MUC3A: variants seen among roughly 807,000 people sequenced by gnomAD.
MUC3A encodes mucin-3A.
A neutral mutation model predicts 109.0 loss-of-function variants in MUC3A; 109 were observed. The ratio of observed to expected loss-of-function variants is 1.00; its 90% CI spans 0.86 to 1.17. MUC3A has a LOEUF of 1.17. MUC3A is among the 50% of genes most tolerant of loss of function. MUC3A has a pLI of 0.00. For missense variants in MUC3A, 3,537 were observed against 2,469.4 expected (o/e 1.43, Z -9.16); for synonymous variants, 1,398 against 981.4 (o/e 1.42, Z -7.93).
At chr7:100,966,325 G>C in intron 8 of MUC3A, 61 bp from the exon 9 acceptor site, 1 of 1,239,052 alleles carries the variant, frequency 8.1e-7, no homozygotes, top group Non-Finnish European at 1.0e-6. Flanking sequence ...GCGGGGCCCA[G>C]GTGCACGGGT....
rs1441035545 is a variant in MUC3A, at chr7:100,959,682, C to T, written c.7903C>T (p.His2635Tyr). The part of the protein sequence containing the change: ...STSQVPIPST[H>Y]SSTLQTTPST... ...ATCACAGGTTCCTATTCCTAGCACACATTCCTCCACCCTTCAAACAACTCC... is the reference window on the plus strand; with the variant it reads ...ATCACAGGTTCCTATTCCTAGCACATATTCCTCCACCCTTCAAACAACTCC... The change falls in exon 2 of 12, where the codon CAT becomes TAT. Residue 2635 changes from histidine (H) to tyrosine (Y), a missense_variant. His to Tyr is a moderately conservative substitution (Grantham distance 83). Coordinates refer to ENST00000379458, the MANE Select transcript of MUC3A (RefSeq NM_005960.2). The T allele has an allele frequency of 6.3e-7, 1 of 1,598,520 alleles. No individual in the cohort carries two copies. Among genetic ancestry groups the T allele is most frequent in the Non-Finnish European group, 8.5e-7 (1 of 1,179,792 alleles).
Position 100,959,118 on chromosome 7 carries a change from A to G in MUC3A, c.7339A>G (p.Thr2447Ala), listed in dbSNP as rs1584805046. The G allele has an allele frequency of 4.5e-6, 7 of 1,554,442 alleles. No homozygotes were observed. The highest frequency in any genetic ancestry group is 6.0e-6 in the Non-Finnish European group (7 of 1,161,096). Reference protein sequence around the residue: ...SESTPSLSSSTIYSTVSTSTT... With the variant: ...SESTPSLSSSAIYSTVSTSTT... The stretch of plus-strand genomic sequence containing the variant: ...GAGTACTCCCAGCCTCAGTTCTTCA[A>G]CCATCTACTCCACAGTCAGCACATC... Residue 2447 changes from threonine (T) to alanine (A), a missense_variant, in exon 2 of 12, where the codon ACC becomes GCC. By Grantham distance (58) the Thr-to-Ala change is moderately conservative. Coordinates refer to ENST00000379458, the MANE Select transcript of MUC3A (RefSeq NM_005960.2).
At position 100,959,701 on chromosome 7, in the gene MUC3A, C is replaced by G. The variant is rs770269782; in HGVS notation, c.7922C>G (p.Thr2641Arg). 1.9e-6 allele frequency: 3 copies of G among 1,598,416 alleles called. No individual in the cohort carries two copies. Among genetic ancestry groups the G allele is most frequent in the African/African-American group, 2.7e-5 (2 of 74,958 alleles). Residue 2641 changes from threonine to arginine, a missense_variant, in exon 2 of 12, where the codon ACA (threonine) becomes AGA (arginine). Physicochemically the swap from Thr to Arg is moderately conservative, Grantham distance 71 (BLOSUM62 -1). Coordinates refer to ENST00000379458, the MANE Select transcript of MUC3A (RefSeq NM_005960.2). ...IPSTHSSTLQ[T>R]TPSTPSLQTS... ...AGCACACATTCCTCCACCCTTCAAA[C>G]AACTCCTTCTACTCCCTCATTGCAA...
rs146817925 is a variant in MUC3A, at chr7:100,966,923, C to A, written c.9902C>A (p.Ala3301Asp). Reference protein sequence around the residue: ...GTDKDTNFYVALENVDTTMKV... With the variant: ...GTDKDTNFYVDLENVDTTMKV... ...GACAAGGATACAAATTTCTATGTGG[C>A]CTTGGAGAACGTGGACACCACTATG... The change falls in exon 11 of 12, where the codon GCC (alanine) becomes GAC (aspartate). Residue 3301 changes from alanine (A) to aspartate (D), a missense_variant. Coordinates refer to ENST00000379458, the MANE Select transcript of MUC3A (RefSeq NM_005960.2). 3 of 1,598,478 alleles carry A rather than the reference C, an allele frequency of 1.9e-6. No homozygotes were observed. The highest frequency in any genetic ancestry group is 1.7e-5 in the Admixed American group (1 of 60,030).
In MUC3A at chr7:100,955,270, G is replaced by C. The variant is rs1481786541; in HGVS notation, c.3491G>C (p.Ser1164Thr). Reference protein sequence around the residue: ...FTSSTIYSTVSTSTTAISSAS... With the variant: ...FTSSTIYSTVTTSTTAISSAS... ...TCTTCAACCATCTACTCCACAGTCA[G>C]CACATCCACAACTGCCATCTCCTCA... Residue 1164 changes from serine to threonine, a missense_variant, in exon 2 of 12, where the codon AGC becomes ACC. Physicochemically the swap from Ser to Thr is moderately conservative, Grantham distance 58. Transcript: ENST00000379458. 2 of 763,842 alleles carry C rather than the reference G, an allele frequency of 2.6e-6. No homozygotes were observed. The highest frequency in any genetic ancestry group is 3.4e-5 in the African/African-American group (2 of 59,084). 47.3% of individuals were successfully genotyped at this position (763,842 alleles called of 1,614,324 possible).
In MUC3A at chr7:100,963,234, T is replaced by C; in HGVS notation, c.9136T>C (p.Tyr3046His). Reference protein sequence around the residue: ...PDLNDNTSQAYRDFNKTFWNQ... With the variant: ...PDLNDNTSQAHRDFNKTFWNQ... ...CCTCAATGACAACACTTCCCAGGCC[T>C]ACAGGGATTTCAACAAGACCTTCTG... The change falls in exon 4 of 12, where the codon TAC becomes CAC. Residue 3046 changes from tyrosine to histidine, a missense_variant. By Grantham distance (83) the Tyr-to-His change is moderately conservative. Transcript: ENST00000379458. 6.3e-7 allele frequency: 1 copy of C among 1,598,206 alleles called. No homozygotes were observed. The highest frequency in any genetic ancestry group is 8.5e-7 in the Non-Finnish European group (1 of 1,179,688).
rs1212496254 is a variant in MUC3A, at chr7:100,956,454, T to C, written c.4675T>C (p.Ser1559Pro). 4 of 627,218 alleles carry C rather than the reference T, an allele frequency of 6.4e-6. No individual in the cohort carries two copies. Among genetic ancestry groups the C allele is most frequent in the Admixed American group, 4.8e-5 (2 of 41,696 alleles). 38.9% of individuals were successfully genotyped at this position (627,218 alleles called of 1,614,324 possible). A position where few individuals can be genotyped will look rare whatever the true frequency, so the allele number is the denominator to read the frequency against. Residue 1559 changes from serine to proline, a missense_variant, in exon 2 of 12, where the codon TCT becomes CCT. Transcript: ENST00000379458. ...VPTTLGTMVTSTSMIPSTVST... is the reference protein window; with the variant it reads ...VPTTLGTMVTPTSMIPSTVST... Reference sequence around the variant, plus strand: ...CACTACCTTGGGTACCATGGTGACTTCTACATCCATGATCCCATCTACTGT... The same window carrying C: ...CACTACCTTGGGTACCATGGTGACTCCTACATCCATGATCCCATCTACTGT...
rs779743908 is a variant in MUC3A at position 100,959,511 on chromosome 7, A to G, written c.7732A>G (p.Thr2578Ala). 1.9e-6 allele frequency: 3 copies of G among 1,589,334 alleles called. No individual in the cohort carries two copies. Among genetic ancestry groups the G allele is most frequent in the East Asian group, 2.2e-5 (1 of 44,876 alleles). ...TATTGTTGTTATACCTGAAACCCCA[A>G]CACAGACCCCTCCTGTACTGACGTC... The part of the protein sequence containing the change: ...TSIVVIPETP[T>A]QTPPVLTSAT... Residue 2578 changes from threonine (T) to alanine (A), a missense_variant, in exon 2 of 12, where the codon ACA becomes GCA. Coordinates refer to ENST00000379458, the MANE Select transcript of MUC3A (RefSeq NM_005960.2).
At position 100,967,616 on chromosome 7, in the gene MUC3A, G is replaced by A; in HGVS notation, c.*454G>A. 1 of 300,868 alleles carries A rather than the reference G, an allele frequency of 3.3e-6. No homozygotes were observed. Among genetic ancestry groups the A allele is most frequent in the South Asian group, 5.7e-5 (1 of 17,674 alleles). The allele number at this position is 300,868 out of a possible 1,614,324, so 18.6% of individuals were successfully genotyped here. On this transcript the variant is annotated 3_prime_UTR_variant, in exon 12 of 12. Transcript: ENST00000379458. ...TCTTATTTTCTCTCAATTCCCTACT[G>A]CCTGTTTCTTACTTTGAACCTGGAG...
At chr7:100,965,113 A>G (rs1792481160) in intron 6 of MUC3A, 169 bp from the exon 7 acceptor site, 1 of 1,000,784 alleles carries the variant, frequency 1.0e-6, no homozygotes, top group Non-Finnish European at 1.4e-6. Context: ...GAGATGAGGC[A>G]GGCAACAGGA....
chr7:100,960,023 G>C lies in MUC3A; in HGVS notation c.8244G>C (p.Leu2748=). 1.3e-6 allele frequency: 2 copies of C among 1,509,168 alleles called. No individual in the cohort carries two copies. The highest frequency in any genetic ancestry group is 8.8e-7 in the Non-Finnish European group (1 of 1,140,360). 93.5% of individuals were successfully genotyped at this position (1,509,168 alleles called of 1,614,324 possible). A position where few individuals can be genotyped will look rare whatever the true frequency, so the allele number is the denominator to read the frequency against. ...TTSTSSTSSS[L]TTALTEITPF... is the part of the protein sequence containing the mutation. ...GCACTTCTTCAACCAGCTCCTCTCT[G>C]ACCACAGCTCTCACTGAAATAACCC... The change falls in exon 2 of 12, where the codon CTG becomes CTC. Residue 2748 remains leucine (L), a synonymous_variant. Transcript: ENST00000379458.
In MUC3A at chr7:100,963,769, G is replaced by T; in HGVS notation, c.9233+17G>T. ...GTCCCTGAGGTAGGAGACCCATCTG[G>T]GGATGCGGAGGCGGTGTTGGGTGGG... On this transcript the variant is annotated intron_variant, in intron 5 of 11. Transcript: ENST00000379458. 6.3e-7 allele frequency: 1 copy of T among 1,598,562 alleles called. No individual in the cohort carries two copies. Among genetic ancestry groups the T allele is most frequent in the Non-Finnish European group, 8.5e-7 (1 of 1,179,814 alleles).
chr7:100,960,589 G>A lies in MUC3A; in HGVS notation c.8810G>A (p.Arg2937Lys). 6.3e-7 allele frequency: 1 copy of A among 1,598,714 alleles called. No homozygotes were observed. The highest frequency in any genetic ancestry group is 2.2e-5 in the East Asian group (1 of 44,892). ...ACTCCTACCACCCTTACATCACGCAGGACAACTCGCATCACTTCTCAGATG... is the reference window on the plus strand; with the variant it reads ...ACTCCTACCACCCTTACATCACGCAAGACAACTCGCATCACTTCTCAGATG... ...TQTPTTLTSR[R>K]TTRITSQMTT... The change falls in exon 2 of 12, where the codon AGG becomes AAG. Residue 2937 changes from arginine (R) to lysine (K), a missense_variant. Coordinates refer to ENST00000379458, the MANE Select transcript of MUC3A (RefSeq NM_005960.2).
At position 100,957,529 on chromosome 7, in the gene MUC3A, C is replaced by A. The variant is rs917803399; in HGVS notation, c.5750C>A (p.Pro1917His). Residue 1917 changes from proline to histidine, a missense_variant, in exon 2 of 12, where the codon CCC becomes CAC. Physicochemically the swap from Pro to His is moderately conservative, Grantham distance 77. Coordinates refer to ENST00000379458, the MANE Select transcript of MUC3A (RefSeq NM_005960.2). ...FTSSIATTET[P>H]SHSTPRFTSS... ...TCTTCAATCGCAACCACCGAGACCCCCTCACACAGTACTCCCAGATTCACT... is the reference window on the plus strand; with the variant it reads ...TCTTCAATCGCAACCACCGAGACCCACTCACACAGTACTCCCAGATTCACT... 1.8e-5 allele frequency: 28 copies of A among 1,553,208 alleles called. 1 individual carries two copies. In the Middle Eastern group the frequency reaches 2.1e-3, roughly 115 times the overall value.
intron 3 of MUC3A, among the ~76,000 whole-genome samples, chr7:100,961,902 G>T (rs1584808632): frequency 6.6e-6 from 1 of 152,306 alleles, no homozygotes; most frequent in East Asian, 1.9e-4. Context: ...GAGGCGAGGA[G>T]TTCAGGACCA....
At chr7:100,966,049 T>TCGCCCTAAAGTGTGGCCCCGCCTCC (rs1792530608) in intron 8 of MUC3A, 183 bp downstream of exon 8, 3 of 855,674 alleles carry the variant, frequency 3.5e-6, no homozygotes, top group South Asian at 2.2e-5. Context: ...GCTCTGCTCC[T>TCGCCCTAAAGTGTGGCCCCGCCTCC]TTGATGGGGT....
rs748906132 is a variant in MUC3A at position 100,959,042 on chromosome 7, CA to C, written c.7264del (p.Ser2422ValfsTer49). The C allele has an allele frequency of 4.0e-6, 6 of 1,506,386 alleles. No individual in the cohort carries two copies. The highest frequency in any genetic ancestry group is 5.3e-6 in the Non-Finnish European group (6 of 1,135,332). The allele number at this position is 1,506,386 out of a possible 1,614,324, so 93.3% of individuals were successfully genotyped here. On this transcript the variant is annotated frameshift_variant, in exon 2 of 12. Transcript: ENST00000379458. LOFTEE classifies it high-confidence loss of function. ...SITTTETTSH[S>X]TPGFTSSITT... The stretch of plus-strand genomic sequence containing the variant: ...TCACCACCACTGAGACTACCTCACA[CA>C]GTACTCCTGGCTTCACTTCTTCAAT...
chr7:100,963,820 A>T (rs1238392962), intron 5 of MUC3A, 68 bp downstream of exon 5: 1 of 1,588,972 alleles, frequency 6.3e-7, no homozygotes, highest in Non-Finnish European at 8.5e-7. Context: ...CAAAAAACCC[A>T]TTCCTTTCTT....
chr7:100,964,858 G>C lies in MUC3A; in HGVS notation c.9382+15G>C. ...GGACTCCCAGAGTGAGCCCAGGCTG[G>C]AGGGAGGGGCCAGGGCCTGAGGTGT... On this transcript the variant is annotated intron_variant, in intron 6 of 11. Coordinates refer to ENST00000379458, the MANE Select transcript of MUC3A (RefSeq NM_005960.2). The C allele has an allele frequency of 6.3e-7, 1 of 1,592,948 alleles. No individual in the cohort carries two copies.
Sources: allele counts gnomAD v4.1 joint callset (sites outside exome capture counted in the v4.1 genomes callset), GRCh38; gene constraint gnomAD v4.1.1; transcripts MANE v1.5; gene names NCBI Gene and HGNC (gene_info 2026-07-23, HGNC 2026-07-21).